MGAT4C: variants seen among roughly 807,000 people sequenced by gnomAD.
MGAT4C encodes MGAT4 family member C.
Under a neutral mutation model 40.1 loss-of-function variants are expected in MGAT4C, and 19 were observed. That is an observed-to-expected ratio of 0.47 (90% CI 0.33 to 0.70). The LOEUF (loss-of-function observed/expected upper bound fraction) is 0.70. Ranked by LOEUF, MGAT4C falls within the 30% of genes least tolerant of loss-of-function variation. The pLI, the probability that MGAT4C is intolerant of heterozygous loss-of-function variation, is 0.02. For missense variants in MGAT4C, 491 were observed against 563.2 expected, an observed-to-expected ratio of 0.87 and a Z score of 1.30; for synonymous variants, 181 against 187.1, an observed-to-expected ratio of 0.97 and a Z score of 0.27.
intron 1 of MGAT4C, among the ~76,000 whole-genome samples, chr12:86,817,737 A>G (rs534753214): frequency 6.6e-6 from 1 of 151,684 alleles, no homozygotes; most frequent in Admixed American, 6.6e-5. Flanking sequence ...ATCTCAGAAA[A>G]TTAATAGAAA....
At chr12:86,035,791 A>G (rs1891181657) in intron 2 of MGAT4C, among the ~76,000 whole-genome samples, 1 of 150,068 alleles carries the variant, frequency 6.7e-6, no homozygotes, top group Non-Finnish European at 1.5e-5. Context: ...AGCTTTGTGC[A>G]TATGGCTAGC....
At chr12:86,570,781 A>AC (rs979761249) in intron 2 of MGAT4C, among the ~76,000 whole-genome samples, 1 of 151,968 alleles carries the variant, frequency 6.6e-6, no homozygotes, top group African/African-American at 2.4e-5. Context: ...TCCATCTATT[A>AC]CCCCCATGTT....
At chr12:86,521,391 C>T (rs898120732) in intron 2 of MGAT4C, among the ~76,000 whole-genome samples, 10 of 151,770 alleles carry the variant, frequency 6.6e-5, no homozygotes, top group African/African-American at 2.4e-4. Flanking sequence ...GGTATGTGGC[C>T]GTATTTCTGA....
At chr12:86,164,919 A>T (rs1333875095) in intron 1 of MGAT4C, among the ~76,000 whole-genome samples, 2 of 152,216 alleles carry the variant, frequency 1.3e-5, no homozygotes, top group Admixed American at 1.3e-4. Context: ...GAAGGATTTT[A>T]ATAAAATGTT....
At chr12:86,432,479 A>T (rs1205756564) in intron 3 of MGAT4C, among the ~76,000 whole-genome samples, 1 of 151,964 alleles carries the variant, frequency 6.6e-6, no homozygotes, top group Non-Finnish European at 1.5e-5. Flanking sequence ...TTTATCAGGC[A>T]GAGGCATATA....
At chr12:86,191,122 CA>C (rs1566117950) in intron 1 of MGAT4C, among the ~76,000 whole-genome samples, 27 of 142,172 alleles carry the variant, frequency 1.9e-4, no homozygotes, top group African/African-American at 2.4e-4. Flanking sequence ...CACACACACA[CA>C]CACACACACA....
chr12:86,118,941 T>A (rs995766785), intron 1 of MGAT4C, among the ~76,000 whole-genome samples: 3 of 152,106 alleles, frequency 2.0e-5, no homozygotes, highest in Non-Finnish European at 1.5e-5. Flanking sequence ...CTAAAATGGA[T>A]GTATAATTTC....
At chr12:86,664,979 T>C (rs1320666331) in intron 2 of MGAT4C, among the ~76,000 whole-genome samples, 1 of 152,192 alleles carries the variant, frequency 6.6e-6, no homozygotes, top group Non-Finnish European at 1.5e-5. Context: ...CCTCATTTTA[T>C]GCTTGATGAT....
intron 1 of MGAT4C, among the ~76,000 whole-genome samples, chr12:86,250,035 A>G (rs1952201912): frequency 6.6e-6 from 1 of 152,140 alleles, no homozygotes; most frequent in Non-Finnish European, 1.5e-5. Flanking sequence ...CACTGCTGGC[A>G]TGCCATAAGT....
intron 2 of MGAT4C, among the ~76,000 whole-genome samples, chr12:86,690,876 A>C (rs1169256841): frequency 6.6e-6 from 1 of 152,186 alleles, no homozygotes. Flanking sequence ...TTTATATTAC[A>C]GTTTAGACTA....
intron 2 of MGAT4C, among the ~76,000 whole-genome samples, chr12:86,607,901 A>G (rs1962099922): frequency 6.6e-6 from 1 of 152,074 alleles, no homozygotes; most frequent in Non-Finnish European, 1.5e-5. Context: ...TGCCATCATT[A>G]TTTGATTGAT....
intron 1 of MGAT4C, among the ~76,000 whole-genome samples, chr12:86,750,428 T>A (rs1287082504): frequency 6.6e-6 from 1 of 151,928 alleles, no homozygotes; most frequent in East Asian, 1.9e-4. Context: ...CTAGATCTGC[T>A]TTACCTTCAT....
At chr12:86,100,085 CTTTA>C (rs1407782491) in intron 1 of MGAT4C, among the ~76,000 whole-genome samples, 1 of 98,860 alleles carries the variant, frequency 1.0e-5, no homozygotes, top group Non-Finnish European at 2.3e-5. Flanking sequence ...ATTTTATTAT[CTTTA>C]TGTTTAATCT....
intron 2 of MGAT4C, among the ~76,000 whole-genome samples, chr12:86,558,399 A>G (rs1463903620): frequency 6.6e-6 from 1 of 152,126 alleles, no homozygotes; most frequent in Non-Finnish European, 1.5e-5. Flanking sequence ...TCCCCAAAGC[A>G]CATTATAGTC....
chr12:86,401,128 A>G (rs1458635138), intron 3 of MGAT4C, among the ~76,000 whole-genome samples: 9 of 152,058 alleles, frequency 5.9e-5, no homozygotes, highest in Non-Finnish European at 1.2e-4. Flanking sequence ...GTGTTTACAT[A>G]GGTAACTTAA....
intron 1 of MGAT4C, among the ~76,000 whole-genome samples, chr12:86,154,020 G>A (rs959598886): frequency 6.6e-6 from 1 of 152,048 alleles, no homozygotes; most frequent in African/African-American, 2.4e-5. Context: ...ATCAAAAGAC[G>A]CTGAAAAGAG....
intron 3 of MGAT4C, among the ~76,000 whole-genome samples, chr12:86,388,079 A>C (rs899263360): frequency 6.6e-6 from 1 of 152,162 alleles, no homozygotes; most frequent in Non-Finnish European, 1.5e-5. Context: ...ATAAATATTC[A>C]AGCCATCTAT....
At chr12:86,766,432 C>A (rs1323241757) in intron 1 of MGAT4C, among the ~76,000 whole-genome samples, 3 of 152,052 alleles carry the variant, frequency 2.0e-5, no homozygotes, top group Non-Finnish European at 4.4e-5. Flanking sequence ...GACTTTAACA[C>A]CCCACTGTCA....
At chr12:86,290,415 C>G (rs1163787967) in intron 4 of MGAT4C, among the ~76,000 whole-genome samples, 3 of 152,052 alleles carry the variant, frequency 2.0e-5, no homozygotes, top group African/African-American at 7.2e-5. Context: ...ATTTGCATGA[C>G]AAATATCACG....
Sources: allele counts gnomAD v4.1 joint callset (sites outside exome capture counted in the v4.1 genomes callset), GRCh38; gene constraint gnomAD v4.1.1; transcripts MANE v1.5; gene names NCBI Gene and HGNC (gene_info 2026-07-23, HGNC 2026-07-21).